Variants in ESD observed in about 807,000 individuals in gnomAD.
ESD encodes esterase D, also known as S-formylglutathione hydrolase.
In ESD, 34 loss-of-function variants were observed where a neutral mutation model predicts 38.1. That is an observed-to-expected ratio of 0.89 (90% CI 0.68 to 1.19). ESD has a LOEUF of 1.19. Among genes scored for constraint, ESD ranks in the 50% most tolerant of loss-of-function variants. The pLI is 0.00. For missense variants in ESD, 334 were observed against 327.2 expected (o/e 1.02, Z -0.16); for synonymous variants, 97 against 107.0 (o/e 0.91, Z 0.58).
At chr13:46,778,660 C>T (rs77189539) in intron 8 of ESD, among the ~76,000 whole-genome samples, 1 of 151,896 alleles carries the variant, frequency 6.6e-6, no homozygotes, top group African/African-American at 2.4e-5. Flanking sequence ...GAAAGGGTCA[C>T]CATTTTCGTG....
chr13:46,775,416 T>C, intron 9 of ESD: 1 of 220,606 alleles, frequency 4.5e-6, no homozygotes, highest in Non-Finnish European at 9.3e-6. Flanking sequence ...CTTTCTCAGA[T>C]CGTTTATTTA....
chr13:46,793,878 A>G (rs1326302724), intron 1 of ESD, among the ~76,000 whole-genome samples: 1 of 146,986 alleles, frequency 6.8e-6, no homozygotes, highest in East Asian at 1.9e-4. Context: ...CATGGGGAGA[A>G]AGAAGGGAAG....
chr13:46,789,227 C>T (rs1875305969), intron 3 of ESD, among the ~76,000 whole-genome samples: 2 of 152,156 alleles, frequency 1.3e-5, no homozygotes, highest in Admixed American at 1.3e-4. Flanking sequence ...TTTAGTCCCT[C>T]ATTTTGGTGA....
At chr13:46,793,763 G>A (rs930020522) in intron 1 of ESD, among the ~76,000 whole-genome samples, 1 of 152,030 alleles carries the variant, frequency 6.6e-6, no homozygotes, top group Non-Finnish European at 1.5e-5. Flanking sequence ...GTGTAATTTC[G>A]AAGCATGAGA....
rs558779353 is a variant in ESD, at chr13:46,780,985, CA to C, written c.501+510del. On this transcript the variant is annotated intron_variant, in intron 7 of 9. Coordinates refer to ENST00000378720, the MANE Select transcript of ESD (RefSeq NM_001984.2). ...TGACATACTACATATGGTAGTTATT[CA>C]AATTTGACTCTGGGAAAGGCTGAGA... Among the ~76,000 whole-genome samples, 545 of 151,778 alleles carry C rather than the reference CA, an allele frequency of 3.6e-3. 4 individuals are homozygous for C. The highest frequency in any genetic ancestry group is 0.03 in the South Asian group (143 of 4,816).
intron 4 of ESD, 78 bp downstream of exon 4, chr13:46,786,943 T>A (rs1875212814): frequency 2.3e-6 from 2 of 869,148 alleles, no homozygotes; most frequent in Admixed American, 3.3e-5. Flanking sequence ...GCCTACCAAG[T>A]TAAAATAAAA....
rs765632914 is a variant in ESD, at chr13:46,782,757, C to T, written c.291G>A (p.Trp97Ter). Reference sequence around the variant, plus strand: ...AAAATCCAGCACCAGTGCCAAAGTCCCAGCTCTCATCTTCACCTTTAATAT... The same window carrying T: ...AAAATCCAGCACCAGTGCCAAAGTCTCAGCTCTCATCTTCACCTTTAATAT... Reference protein sequence around the residue: ...GCNIKGEDESWDFGTGAGFYV... With the variant: ...GCNIKGEDES The change falls in exon 6 of 10, where the codon TGG becomes TGA. Residue 97 changes from tryptophan (W) to a stop codon, truncating the protein, a stop_gained. Transcript: ENST00000378720. LOFTEE classifies it high-confidence loss of function. 3 of 1,612,260 alleles carry T rather than the reference C, an allele frequency of 1.9e-6. No homozygotes were observed. Among genetic ancestry groups the T allele is most frequent in the Admixed American group, 3.3e-5 (2 of 59,824 alleles).
chr13:46,794,045 G>T (rs755199921), intron 1 of ESD, among the ~76,000 whole-genome samples: 2 of 151,992 alleles, frequency 1.3e-5, no homozygotes, highest in African/African-American at 2.4e-5. Context: ...TTTCATTTAG[G>T]CTCTAGAACA....
chr13:46,791,256 C>T (rs1303476630), intron 3 of ESD, 90 bp downstream of exon 3: 8 of 906,538 alleles, frequency 8.8e-6, no homozygotes, highest in Non-Finnish European at 1.4e-5. Context: ...AAATGAGGTA[C>T]TATAATATCT....
At chr13:46,793,232 G>C (rs776098252) in intron 2 of ESD, among the ~76,000 whole-genome samples, 165 bp downstream of exon 2, 5 of 151,996 alleles carry the variant, frequency 3.3e-5, no homozygotes, top group African/African-American at 4.8e-5. Flanking sequence ...CTAAGAACTA[G>C]ATATGACATA....
chr13:46,778,216 G>A (rs969363768), intron 8 of ESD, among the ~76,000 whole-genome samples: 2 of 151,770 alleles, frequency 1.3e-5, no homozygotes, highest in Non-Finnish European at 2.9e-5. Flanking sequence ...TTTATTCTCT[G>A]AGGAGCTGCC....
intron 3 of ESD, among the ~76,000 whole-genome samples, chr13:46,790,004 A>ATTT (rs1156982684): frequency 3.4e-5 from 3 of 87,036 alleles, no homozygotes; most frequent in African/African-American, 1.0e-4. Flanking sequence ...ATATATATAT[A>ATTT]TATATTTTTT....
intron 8 of ESD, among the ~76,000 whole-genome samples, chr13:46,778,431 T>C (rs1276160906): frequency 2.0e-5 from 3 of 151,904 alleles, no homozygotes; most frequent in African/African-American, 7.2e-5. Context: ...CTAAATTCTA[T>C]GATTTCATAA....
chr13:46,791,536 AT>A (rs917223751), intron 2 of ESD, 116 bp from the exon 3 acceptor site: 103 of 725,812 alleles, frequency 1.4e-4, no homozygotes, highest in East Asian at 4.2e-4. Context: ...TCTACTTAGA[AT>A]TTTTTTTTCA....
At chr13:46,772,917 C>T (rs985249711) in intron 9 of ESD, among the ~76,000 whole-genome samples, 5 of 152,148 alleles carry the variant, frequency 3.3e-5, no homozygotes, top group African/African-American at 7.2e-5. Flanking sequence ...ATCTCCTGAC[C>T]TTGTGATCCG....
chr13:46,791,586 C>T (rs576403112), intron 2 of ESD, among the ~76,000 whole-genome samples, 166 bp from the exon 3 acceptor site: 4 of 151,930 alleles, frequency 2.6e-5, no homozygotes, highest in East Asian at 1.9e-4. Context: ...AACTGATTAA[C>T]GCTCATACAT....
intron 5 of ESD, 32 bp from the exon 6 acceptor site, chr13:46,782,823 C>T: frequency 6.2e-7 from 1 of 1,609,338 alleles, no homozygotes; most frequent in Non-Finnish European, 8.5e-7. Flanking sequence ...GTTTCATCTG[C>T]TCTGTAGTAA....
intron 8 of ESD, among the ~76,000 whole-genome samples, chr13:46,779,025 A>T (rs539958527): frequency 6.6e-6 from 1 of 151,708 alleles, no homozygotes; most frequent in Non-Finnish European, 1.5e-5. Flanking sequence ...TCTGCTTGTT[A>T]ACAATACACA....
chr13:46,791,330 T>C lies in ESD; in HGVS notation c.68+16A>G, dbSNP rs1875388706. The C allele has an allele frequency of 1.3e-6, 2 of 1,586,430 alleles. No homozygotes were observed. Among genetic ancestry groups the C allele is most frequent in the Admixed American group, 1.7e-5 (1 of 57,976 alleles). On this transcript the variant is annotated intron_variant, in intron 3 of 9. Transcript: ENST00000378720. ...ACAGAATGAGGTATCTAAAATTATA[T>C]CTTCTTAATAGTTACCTGTCATGTT...
Sources: allele counts gnomAD v4.1 joint callset (sites outside exome capture counted in the v4.1 genomes callset), GRCh38; gene constraint gnomAD v4.1.1; transcripts MANE v1.5; gene names NCBI Gene and HGNC (gene_info 2026-07-23, HGNC 2026-07-21).